Variants in ULK4 observed in about 807,000 individuals in gnomAD.
The protein encoded by ULK4 is unc-51 like kinase 4.
In ULK4, 133 loss-of-function variants were observed where a neutral mutation model predicts 160.6. The ratio of observed to expected loss-of-function variants is 0.83; its 90% CI spans 0.72 to 0.96. The LOEUF (loss-of-function observed/expected upper bound fraction) is 0.96. Ranked by LOEUF, ULK4 falls within the 40% of genes least tolerant of loss-of-function variation. The pLI, the probability that ULK4 is intolerant of heterozygous loss-of-function variation, is 0.00. For synonymous variants in ULK4, 534 were observed against 539.8 expected (o/e 0.99, Z 0.15); for missense variants, 1,580 against 1,499.5 (o/e 1.05, Z -0.89).
chr3:41,272,742 A>G (rs1235848624), intron 35 of ULK4, among the ~76,000 whole-genome samples: 2 of 151,668 alleles, frequency 1.3e-5, no homozygotes, highest in Non-Finnish European at 2.9e-5. Flanking sequence ...CCAATCACAC[A>G]TGTTAGGACA....
At chr3:41,820,115 A>C (rs1392136552) in intron 18 of ULK4, among the ~76,000 whole-genome samples, 1 of 152,184 alleles carries the variant, frequency 6.6e-6, no homozygotes, top group Non-Finnish European at 1.5e-5. Flanking sequence ...TAAATCAGGT[A>C]CCACACAGAA....
intron 5 of ULK4, among the ~76,000 whole-genome samples, chr3:41,920,836 G>A (rs1244485316): frequency 1.3e-5 from 2 of 152,120 alleles, no homozygotes; most frequent in Non-Finnish European, 1.5e-5. Context: ...ATCACATTTT[G>A]TACACATCGA....
At chr3:41,584,951 A>T (rs941421881) in intron 31 of ULK4, among the ~76,000 whole-genome samples, 2 of 152,202 alleles carry the variant, frequency 1.3e-5, no homozygotes, top group African/African-American at 4.8e-5. Flanking sequence ...CTAACCAAGG[A>T]GGCAAAAGAC....
At chr3:41,597,208 G>GGA (rs1358863749) in intron 31 of ULK4, among the ~76,000 whole-genome samples, 1 of 152,298 alleles carries the variant, frequency 6.6e-6, no homozygotes, top group African/African-American at 2.4e-5. Flanking sequence ...GTAAGTCCTT[G>GGA]TGTGTCAACC....
chr3:41,553,172 T>A (rs1039419857), intron 32 of ULK4, among the ~76,000 whole-genome samples: 3 of 151,868 alleles, frequency 2.0e-5, no homozygotes, highest in African/African-American at 7.2e-5. Flanking sequence ...ATAGAGATAA[T>A]TCTTCAGGAC....
intron 35 of ULK4, among the ~76,000 whole-genome samples, chr3:41,355,281 C>G (rs767610698): frequency 6.6e-6 from 1 of 152,106 alleles, no homozygotes; most frequent in Non-Finnish European, 1.5e-5. Context: ...TTGGTCCGCC[C>G]ACATCTAAGA....
At chr3:41,784,310 T>G (rs905636264) in intron 21 of ULK4, among the ~76,000 whole-genome samples, 2 of 152,126 alleles carry the variant, frequency 1.3e-5, no homozygotes, top group Admixed American at 1.3e-4. Flanking sequence ...GACACATGCC[T>G]GTAATCCCAG....
chr3:41,563,302 A>C (rs969517165), intron 32 of ULK4, among the ~76,000 whole-genome samples: 3 of 151,398 alleles, frequency 2.0e-5, no homozygotes, highest in Non-Finnish European at 4.4e-5. Context: ...TTTTTCCTTC[A>C]TTTCAACCTT....
At chr3:41,266,266 C>A (rs1201001933) in intron 35 of ULK4, among the ~76,000 whole-genome samples, 1 of 152,132 alleles carries the variant, frequency 6.6e-6, no homozygotes, top group Non-Finnish European at 1.5e-5. Context: ...TTGTGACCAC[C>A]ATGTAGCAAT....
intron 35 of ULK4, among the ~76,000 whole-genome samples, chr3:41,321,258 C>G (rs965105159): frequency 4.6e-5 from 7 of 152,088 alleles, no homozygotes; most frequent in African/African-American, 1.7e-4. Flanking sequence ...GTTGGAAACT[C>G]AGCATTAGTG....
intron 27 of ULK4, among the ~76,000 whole-genome samples, chr3:41,685,709 C>T (rs1367769233): frequency 6.6e-6 from 1 of 152,174 alleles, no homozygotes; most frequent in Non-Finnish European, 1.5e-5. Flanking sequence ...ATACCCTATC[C>T]TATTTATCAA....
intron 35 of ULK4, among the ~76,000 whole-genome samples, chr3:41,337,378 C>G (rs907195456): frequency 2.0e-5 from 3 of 152,042 alleles, no homozygotes; most frequent in Admixed American, 2.0e-4. Flanking sequence ...TTGTTGCTGT[C>G]TGGAAGGACC....
intron 21 of ULK4, among the ~76,000 whole-genome samples, chr3:41,782,524 G>C (rs114676721): frequency 6.6e-6 from 1 of 152,146 alleles, no homozygotes; most frequent in Admixed American, 6.5e-5. Flanking sequence ...TAAGTATCTC[G>C]GCTGAAAATT....
chr3:41,393,360 A>T (rs1445260592), intron 35 of ULK4, among the ~76,000 whole-genome samples: 1 of 152,062 alleles, frequency 6.6e-6, no homozygotes, highest in East Asian at 1.9e-4. Flanking sequence ...AATGCTCCTA[A>T]AGCTCATGTT....
At chr3:41,475,698 A>T (rs1262354894) in intron 32 of ULK4, among the ~76,000 whole-genome samples, 1 of 152,188 alleles carries the variant, frequency 6.6e-6, no homozygotes, top group Non-Finnish European at 1.5e-5. Flanking sequence ...CTGATTTGAC[A>T]ATTTCCAGGC....
intron 22 of ULK4, among the ~76,000 whole-genome samples, chr3:41,743,864 T>A (rs1229705540): frequency 6.6e-6 from 1 of 151,692 alleles, no homozygotes; most frequent in Admixed American, 6.6e-5. Flanking sequence ...AGGGGTTTCA[T>A]CATGTTGGCC....
At chr3:41,938,333 T>A in intron 2 of ULK4, 136 bp from the exon 3 acceptor site, 1 of 640,552 alleles carries the variant, frequency 1.6e-6, no homozygotes, top group Non-Finnish European at 2.6e-6. Context: ...ATACAGACAT[T>A]AGAAATCATG....
At chr3:41,366,885 C>T (rs920525619) in intron 35 of ULK4, among the ~76,000 whole-genome samples, 1 of 152,114 alleles carries the variant, frequency 6.6e-6, no homozygotes, top group Non-Finnish European at 1.5e-5. Flanking sequence ...GTTTGATGTA[C>T]CTGCCACAGT....
intron 35 of ULK4, among the ~76,000 whole-genome samples, chr3:41,370,198 TA>T (rs916609409): frequency 1.8e-4 from 26 of 147,394 alleles, no homozygotes; most frequent in African/African-American, 2.2e-4. Flanking sequence ...ATGAAGGAAT[TA>T]AAAAAAAAAG....
Sources: gnomAD v4.1 joint callset for allele counts (sites outside exome capture counted in the v4.1 genomes callset) on GRCh38, gnomAD v4.1.1 for gene constraint, MANE v1.5 for transcripts, NCBI Gene and HGNC (gene_info 2026-07-23, HGNC 2026-07-21) for gene names.